TAS2R31: variants seen among roughly 807,000 people sequenced by gnomAD.
TAS2R31 encodes taste 2 receptor member 31.
For missense variants in TAS2R31, 352 were observed against 347.4 expected, an observed-to-expected ratio of 1.01 and a Z score of -0.10; for synonymous variants, 118 against 131.4, an observed-to-expected ratio of 0.90 and a Z score of 0.70.
In TAS2R31 at chr12:11,031,058, T is replaced by G; in HGVS notation, c.278A>C (p.His93Pro). 2 of 1,614,304 alleles carry G rather than the reference T, an allele frequency of 1.2e-6. No homozygotes were observed. The highest frequency in any genetic ancestry group is 1.7e-6 in the Non-Finnish European group (2 of 1,180,060). The stretch of plus-strand genomic sequence containing the variant: ...GCTAGTAGCAAGCCAGTTGCTGAAA[T>G]GGCCGGTTACTGCCCAGACATTATA... ...TAYNVWAVTG[H>P]FSNWLATSLS... is the part of the protein sequence containing the mutation. The change falls in exon 1 of 1, where the codon CAT becomes CCT. Residue 93 changes from histidine to proline, a missense_variant. Coordinates refer to ENST00000390675, the MANE Select transcript of TAS2R31 (RefSeq NM_176885.2).
At position 11,031,171 on chromosome 12, in the gene TAS2R31, T is replaced by A. The variant is rs1380868096; in HGVS notation, c.165A>T (p.Arg55Ser). The change falls in exon 1 of 1, where the codon AGA (arginine) becomes AGT (serine). Residue 55 changes from arginine (R) to serine (S), a missense_variant. Physicochemically the swap from Arg to Ser is moderately radical, Grantham distance 110. Coordinates refer to ENST00000390675, the MANE Select transcript of TAS2R31 (RefSeq NM_176885.2). ...DQILTALAVSRVGLLWVLLLN... is the reference protein window; with the variant it reads ...DQILTALAVSSVGLLWVLLLN... ...ATAATAATACCCAGAGCAAACCAAC[T>A]CTGGAGACCGCCAGAGCAGTGAGAA... 6.2e-7 allele frequency: 1 copy of A among 1,614,178 alleles called. No individual in the cohort carries two copies. The highest frequency in any genetic ancestry group is 1.7e-5 in the Admixed American group (1 of 60,028).
chr12:11,031,109 T>G lies in TAS2R31; in HGVS notation c.227A>C (p.Tyr76Ser). The G allele has an allele frequency of 2.6e-6, 4 of 1,549,840 alleles. No individual in the cohort carries two copies. Among genetic ancestry groups the G allele is most frequent in the Middle Eastern group, 1.7e-4 (1 of 5,852 alleles). Reference protein sequence around the residue: ...WYSTVFNPAFYSVEVRTTAYN... With the variant: ...WYSTVFNPAFSSVEVRTTAYN... The stretch of plus-strand genomic sequence containing the variant: ...AGCAGTAGTTCTTACTTCTACACTA[T>G]AAAAAGCTGGATTAAACACAGTTGA... Residue 76 changes from tyrosine to serine, a missense_variant, in exon 1 of 1, where the codon TAT becomes TCT. Coordinates refer to ENST00000390675, the MANE Select transcript of TAS2R31 (RefSeq NM_176885.2).
rs1346307575 is a variant in TAS2R31 at position 11,030,663 on chromosome 12, T to C, written c.673A>G (p.Ile225Val). 5 of 1,614,090 alleles carry C rather than the reference T, an allele frequency of 3.1e-6. No homozygotes were observed. The African/African-American group carries it at 4.0e-5, about 13-fold the overall frequency. ...GSQDPSTKVHIKALQTVIFFL... is the reference protein window; with the variant it reads ...GSQDPSTKVHVKALQTVIFFL... ...AAGATCACAGTTTGCAAAGCTTTTA[T>C]GTGGACCTTGGTGCTGGGATCTTGA... Residue 225 changes from isoleucine (I) to valine (V), a missense_variant, in exon 1 of 1, where the codon ATA (isoleucine) becomes GTA (valine). Transcript: ENST00000390675.
rs74062424 is a variant in TAS2R31, at chr12:11,030,737, C to T, written c.599G>A (p.Cys200Tyr). The T allele has an allele frequency of 1.4e-3, 2,247 of 1,614,152 alleles. 31 individuals carry two copies. The African/African-American group carries it at 0.026, about 19-fold the overall frequency. ...CTTCTTGAGATGTTTACACAGAGAA[C>T]AGATTAACAGCAAAAAACATAGCAG... Reference protein sequence around the residue: ...LTLLCFLLLICSLCKHLKKMQ... With the variant: ...LTLLCFLLLIYSLCKHLKKMQ... The change falls in exon 1 of 1, where the codon TGT becomes TAT. Residue 200 changes from cysteine to tyrosine, a missense_variant. Physicochemically the swap from Cys to Tyr is radical, Grantham distance 194. Transcript: ENST00000390675.
rs878976784 is a variant in TAS2R31 at position 11,031,391 on chromosome 12, T to C, written c.-56A>G. On this transcript the variant is annotated 5_prime_UTR_variant, in exon 1 of 1. Transcript: ENST00000390675. ...TGCTGGTGTTGTGTCCGGAGTTGGT[T>C]CCTGCAGGTGGGTTCGTGGTCTCCC... is the stretch of plus-strand genomic sequence containing the variant. The C allele has an allele frequency of 2.8e-5, 45 of 1,582,036 alleles. No homozygotes were observed. The South Asian group carries it at 5.1e-4, about 18-fold the overall frequency.
At position 11,030,865 on chromosome 12, in the gene TAS2R31, T is replaced by C. The variant is rs754201403; in HGVS notation, c.471A>G (p.Glu157=). Residue 157 remains glutamate (E), a synonymous_variant, in exon 1 of 1, where the codon GAA becomes GAG. Coordinates refer to ENST00000390675, the MANE Select transcript of TAS2R31 (RefSeq NM_176885.2). ...INMKEIVRTK[E]YEGNLTWKIK... ...TCTTCCAAGTCAAGTTTCCTTCATA[T>C]TCTTTTGTCCGTACAATCTCTTTCA... The C allele has an allele frequency of 3.1e-6, 5 of 1,614,060 alleles. No individual in the cohort carries two copies. The Admixed American group carries it at 8.3e-5, about 27-fold the overall frequency.
At position 11,030,907 on chromosome 12, in the gene TAS2R31, T is replaced by C. The variant is rs115707514; in HGVS notation, c.429A>G (p.Gln143=). 859 of 1,522,834 alleles carry C rather than the reference T, an allele frequency of 5.6e-4. No homozygotes were observed. In the East Asian group the frequency reaches 0.016, roughly 29 times the overall value. The allele number at this position is 1,522,834 out of a possible 1,614,324, so 94.3% of individuals were successfully genotyped here. The change falls in exon 1 of 1, where the codon CAA becomes CAG. Residue 143 remains glutamine, a synonymous_variant. Coordinates refer to ENST00000390675, the MANE Select transcript of TAS2R31 (RefSeq NM_176885.2). The part of the protein sequence containing the change: ...LLGPLLFLAC[Q]LFVINMKEIV... Reference sequence around the variant, plus strand: ...TCTCTTTCATGTTTATCACAAAAAGTTGACAAGCCAAAAATAGTAAAGGCC... The same window carrying C: ...TCTCTTTCATGTTTATCACAAAAAGCTGACAAGCCAAAAATAGTAAAGGCC...
At position 11,030,794 on chromosome 12, in the gene TAS2R31, G is replaced by C; in HGVS notation, c.542C>G (p.Thr181Arg). 1 of 1,518,726 alleles carries C rather than the reference G, an allele frequency of 6.6e-7. No homozygotes were observed. Among genetic ancestry groups the C allele is most frequent in the East Asian group, 2.4e-5 (1 of 41,836 alleles). The allele number at this position is 1,518,726 out of a possible 1,614,324, so 94.1% of individuals were successfully genotyped here. A position where few individuals can be genotyped will look rare whatever the true frequency, so the allele number is the denominator to read the frequency against. ...AGTGAAGGGCACTAAGTTTCCTAGC[G>C]TGGTTACAGTCGCATCTGAAAGGTA... ...AVYLSDATVTTLGNLVPFTLT... is the reference protein window; with the variant it reads ...AVYLSDATVTRLGNLVPFTLT... Residue 181 changes from threonine (T) to arginine (R), a missense_variant, in exon 1 of 1, where the codon ACG (threonine) becomes AGG (arginine). By Grantham distance (71) the Thr-to-Arg change is moderately conservative. Coordinates refer to ENST00000390675, the MANE Select transcript of TAS2R31 (RefSeq NM_176885.2).
Position 11,031,079 on chromosome 12 carries a change from T to C in TAS2R31, c.257A>G (p.Asn86Ser), listed in dbSNP as rs1390488116. 4 of 1,614,292 alleles carry C rather than the reference T, an allele frequency of 2.5e-6. No individual in the cohort carries two copies. Among genetic ancestry groups the C allele is most frequent in the Admixed American group, 3.3e-5 (2 of 60,038 alleles). The change falls in exon 1 of 1, where the codon AAT becomes AGT. Residue 86 changes from asparagine to serine, a missense_variant. Coordinates refer to ENST00000390675, the MANE Select transcript of TAS2R31 (RefSeq NM_176885.2). ...YSVEVRTTAY[N>S]VWAVTGHFSN... is the part of the protein sequence containing the mutation. ...GAAATGGCCGGTTACTGCCCAGACA[T>C]TATAAGCAGTAGTTCTTACTTCTAC...
Position 11,030,609 on chromosome 12 carries a change from G to T in TAS2R31, c.727C>A (p.Leu243Met), listed in dbSNP as rs756990063. The T allele has an allele frequency of 6.5e-7, 1 of 1,528,586 alleles. No homozygotes were observed. Among genetic ancestry groups the T allele is most frequent in the East Asian group, 2.4e-5 (1 of 40,826 alleles). 94.7% of individuals were successfully genotyped at this position (1,528,586 alleles called of 1,614,324 possible). ...CTCCAAACTGATATCATTATGGACA[G>T]AAAGTAAACGGCACATAACAAGAGG... ...FFLLLCAVYF[L>M]SIMISVWSFG... The change falls in exon 1 of 1, where the codon CTG becomes ATG. Residue 243 changes from leucine (L) to methionine (M), a missense_variant. Physicochemically the swap from Leu to Met is conservative, Grantham distance 15. Transcript: ENST00000390675.
In TAS2R31 at chr12:11,031,141, A is replaced by G. The variant is rs774068493; in HGVS notation, c.195T>C (p.Asn65=). The G allele has an allele frequency of 9.3e-6, 15 of 1,614,140 alleles. No individual in the cohort carries two copies. The highest frequency in any genetic ancestry group is 6.7e-5 in the African/African-American group (5 of 74,952). Residue 65 remains asparagine, a synonymous_variant, in exon 1 of 1, where the codon AAT becomes AAC. Transcript: ENST00000390675. ...RVGLLWVLLL[N]WYSTVFNPAF... Reference sequence around the variant, plus strand: ...CTGGATTAAACACAGTTGAATACCAATTTAATAATAATACCCAGAGCAAAC... The same window carrying G: ...CTGGATTAAACACAGTTGAATACCAGTTTAATAATAATACCCAGAGCAAAC...
In TAS2R31 at chr12:11,030,551, A is replaced by C; in HGVS notation, c.785T>G (p.Met262Arg). ...GCTGAATCTAATAGCTTTGCAGAAC[A>C]TGAAGACAGGTTTGTTTTCCAGACT... ...FGSLENKPVF[M>R]FCKAIRFSYP... The change falls in exon 1 of 1, where the codon ATG becomes AGG. Residue 262 changes from methionine to arginine, a missense_variant. Met to Arg is a moderately conservative substitution (Grantham distance 91). Transcript: ENST00000390675. 6.2e-7 allele frequency: 1 copy of C among 1,614,218 alleles called. No individual in the cohort carries two copies. The highest frequency in any genetic ancestry group is 8.5e-7 in the Non-Finnish European group (1 of 1,179,990).
At position 11,031,312 on chromosome 12, in the gene TAS2R31, A is replaced by G. The variant is rs770535938; in HGVS notation, c.24T>C (p.Ile8=). The G allele has an allele frequency of 6.2e-7, 1 of 1,609,708 alleles. No individual in the cohort carries two copies. Among genetic ancestry groups the G allele is most frequent in the Non-Finnish European group, 8.5e-7 (1 of 1,178,300 alleles). ...ATAGAACCACTACCACACTGGAAAA[A>G]ATGATGGGTATAAAAGTTGTCATGT... MTTFIPI[I]FSSVVVVLFV... is the part of the protein sequence containing the mutation. Residue 8 remains isoleucine, a synonymous_variant, in exon 1 of 1, where the codon ATT becomes ATC. Coordinates refer to ENST00000390675, the MANE Select transcript of TAS2R31 (RefSeq NM_176885.2).
Position 11,030,863 on chromosome 12 carries a change from T to C in TAS2R31, c.473A>G (p.Tyr158Cys), listed in dbSNP as rs780290333. The change falls in exon 1 of 1, where the codon TAT (tyrosine) becomes TGT (cysteine). Residue 158 changes from tyrosine (Y) to cysteine (C), a missense_variant. Transcript: ENST00000390675. ...GATCTTCCAAGTCAAGTTTCCTTCA[T>C]ATTCTTTTGTCCGTACAATCTCTTT... The part of the protein sequence containing the change: ...NMKEIVRTKE[Y>C]EGNLTWKIKL... 1 of 1,614,188 alleles carries C rather than the reference T, an allele frequency of 6.2e-7. No homozygotes were observed. Among genetic ancestry groups the C allele is most frequent in the Non-Finnish European group, 8.5e-7 (1 of 1,180,004 alleles).
chr12:11,030,666 G>T lies in TAS2R31; in HGVS notation c.670C>A (p.His224Asn). 1 of 1,614,168 alleles carries T rather than the reference G, an allele frequency of 6.2e-7. No homozygotes were observed. Among genetic ancestry groups the T allele is most frequent in the Middle Eastern group, 1.6e-4 (1 of 6,062 alleles). ...ATCACAGTTTGCAAAGCTTTTATGT[G>T]GACCTTGGTGCTGGGATCTTGAGAT... ...KGSQDPSTKV[H>N]IKALQTVIFF... is the part of the protein sequence containing the mutation. Residue 224 changes from histidine to asparagine, a missense_variant, in exon 1 of 1, where the codon CAC (histidine) becomes AAC (asparagine). Coordinates refer to ENST00000390675, the MANE Select transcript of TAS2R31 (RefSeq NM_176885.2).
rs371495294 is a variant in TAS2R31, at chr12:11,030,872, G to A, written c.464C>T (p.Thr155Ile). The change falls in exon 1 of 1, where the codon ACA becomes ATA. Residue 155 changes from threonine (T) to isoleucine (I), a missense_variant. Physicochemically the swap from Thr to Ile is moderately conservative, Grantham distance 89 (BLOSUM62 -1). Transcript: ENST00000390675. The part of the protein sequence containing the change: ...FVINMKEIVR[T>I]KEYEGNLTWK... ...AGTCAAGTTTCCTTCATATTCTTTT[G>A]TCCGTACAATCTCTTTCATGTTTAT... The A allele has an allele frequency of 2.5e-6, 4 of 1,614,110 alleles. No individual in the cohort carries two copies. The Admixed American group carries it at 6.7e-5, about 27-fold the overall frequency.
rs1942165072 is a variant in TAS2R31 at position 11,030,851 on chromosome 12, A to C, written c.485T>G (p.Leu162Trp). Reference sequence around the variant, plus strand: ...ACTCCTCAATTTGATCTTCCAAGTCAAGTTTCCTTCATATTCTTTTGTCCG... The same window carrying C: ...ACTCCTCAATTTGATCTTCCAAGTCCAGTTTCCTTCATATTCTTTTGTCCG... ...IVRTKEYEGNLTWKIKLRSAV... is the reference protein window; with the variant it reads ...IVRTKEYEGNWTWKIKLRSAV... The change falls in exon 1 of 1, where the codon TTG becomes TGG. Residue 162 changes from leucine (L) to tryptophan (W), a missense_variant. By Grantham distance (61) the Leu-to-Trp change is moderately conservative. Coordinates refer to ENST00000390675, the MANE Select transcript of TAS2R31 (RefSeq NM_176885.2). The C allele has an allele frequency of 6.2e-7, 1 of 1,614,070 alleles. No individual in the cohort carries two copies. The highest frequency in any genetic ancestry group is 1.1e-5 in the South Asian group (1 of 91,090).
rs1942206264 is a variant in TAS2R31 at position 11,031,352 on chromosome 12, A to C, written c.-17T>G. On this transcript the variant is annotated 5_prime_UTR_variant, in exon 1 of 1. Coordinates refer to ENST00000390675, the MANE Select transcript of TAS2R31 (RefSeq NM_176885.2). Reference sequence around the variant, plus strand: ...AGTTGTCATGTCTGAACAGACAAAAAAAAATTGTTTTAATGCTGGTGTTGT... The same window carrying C: ...AGTTGTCATGTCTGAACAGACAAAACAAAATTGTTTTAATGCTGGTGTTGT... 3.7e-6 allele frequency: 6 copies of C among 1,608,272 alleles called. No homozygotes were observed. Among genetic ancestry groups the C allele is most frequent in the Non-Finnish European group, 5.1e-6 (6 of 1,178,002 alleles).
chr12:11,031,317 TG>T, the TAS2R31 span: 2 of 1,613,356 alleles, frequency 1.2e-6, no homozygotes, highest in African/African-American at 2.7e-5. Flanking sequence ...GAAAAAATGA[TG>T]GGTATAAAAG....
Sources: allele counts gnomAD v4.1 joint callset, GRCh38; gene constraint gnomAD v4.1.1; transcripts MANE v1.5; gene names NCBI Gene and HGNC (gene_info 2026-07-23, HGNC 2026-07-21).